The following ZNF423 variants were observed in gnomAD, a reference collection of about 807,000 sequenced individuals.
ZNF423 encodes the protein zinc finger protein 423, also known as Ebf-associated zinc finger protein.
A neutral mutation model predicts 95.8 loss-of-function variants in ZNF423; 12 were observed. The observed-to-expected ratio is 0.13, with a 90% confidence interval of 0.08 to 0.20. The LOEUF is 0.20. ZNF423 is among the 10% of genes least tolerant of loss of function. The pLI is 1.00. For synonymous variants in ZNF423, 749 were observed against 711.9 expected, an observed-to-expected ratio of 1.05 and a Z score of -0.83; for missense variants, 1,316 against 1,737.1, an observed-to-expected ratio of 0.76 and a Z score of 4.31.
chr16:49,504,671 G>C (rs1298253408), intron 7 of ZNF423, among the ~76,000 whole-genome samples: 1 of 152,194 alleles, frequency 6.6e-6, no homozygotes, highest in Non-Finnish European at 1.5e-5. Flanking sequence ...CGACATTCCT[G>C]GCTGGAAGGT....
intron 7 of ZNF423, among the ~76,000 whole-genome samples, chr16:49,497,318 C>G (rs1022553877): frequency 1.3e-5 from 2 of 152,198 alleles, no homozygotes; most frequent in Non-Finnish European, 2.9e-5. Context: ...GCACTGGGCA[C>G]AGACAGGTTG....
chr16:49,788,134 G>A (rs1348686767), intron 2 of ZNF423, among the ~76,000 whole-genome samples: 1 of 152,154 alleles, frequency 6.6e-6, no homozygotes, highest in Non-Finnish European at 1.5e-5. Context: ...TTACCACGTT[G>A]GCTTCAGACA....
upstream of ZNF423, chr16:49,857,836 G>GGC (rs1007548479): frequency 6.6e-6 from 1 of 152,266 alleles, no homozygotes; most frequent in African/African-American, 2.4e-5. The surrounding 1 kb of genome is among the most constrained non-coding windows in gnomAD (Gnocchi z 6.2). Context: ...GCCGCCAGGG[G>GGC]GCGCCGCGCG....
intron 3 of ZNF423, among the ~76,000 whole-genome samples, chr16:49,664,646 C>A (rs1424484326): frequency 5.1e-5 from 6 of 116,550 alleles, no homozygotes; most frequent in Non-Finnish European, 5.3e-5. Flanking sequence ...GGTGGGGGGA[C>A]GGCCCCTGGG....
intron 3 of ZNF423, among the ~76,000 whole-genome samples, chr16:49,679,880 G>A (rs1300525667): frequency 1.3e-5 from 2 of 152,194 alleles, no homozygotes; most frequent in Non-Finnish European, 2.9e-5. Flanking sequence ...CAATCAGTAC[G>A]CACTTCCTCC....
At chr16:49,831,981 CAA>C (rs796358974) in intron 1 of ZNF423, among the ~76,000 whole-genome samples, 29 of 122,502 alleles carry the variant, frequency 2.4e-4, no homozygotes, top group Admixed American at 4.2e-4. Context: ...AAGACTATCT[CAA>C]AAAAAAAAAA....
intron 2 of ZNF423, among the ~76,000 whole-genome samples, chr16:49,740,558 T>C (rs2033394063): frequency 6.6e-6 from 1 of 152,256 alleles, no homozygotes. Flanking sequence ...AGCAGAGCTC[T>C]AGGCAAATAT....
chr16:49,763,403 C>T (rs79078402), intron 2 of ZNF423, among the ~76,000 whole-genome samples: 11,347 of 152,048 alleles, frequency 0.075, 476 homozygotes, highest in South Asian at 0.14. Flanking sequence ...CTCAGCCTCC[C>T]GACTGGGACT....
intron 2 of ZNF423, among the ~76,000 whole-genome samples, chr16:49,772,708 G>C (rs2034056351): frequency 6.6e-6 from 1 of 152,254 alleles, no homozygotes; most frequent in Non-Finnish European, 1.5e-5. Context: ...CATCAAGCAT[G>C]TGGGATGAAA....
Position 49,638,804 on chromosome 16 carries a change from C to G in ZNF423, c.372G>C (p.Thr124=). The change falls in exon 4 of 8, where the codon ACG becomes ACC. Residue 124 remains threonine (T), a synonymous_variant. Coordinates refer to ENST00000563137, the MANE Select transcript of ZNF423 (RefSeq NM_001379286.1). The surrounding 1 kb of genome is among the most constrained non-coding windows in gnomAD (Gnocchi z 5.6). ...SPSSKDVASP[T]QMIGDGCDLG... ...GGTCACAACCATCTCCGATCATCTG[C>G]GTGGGTGACGCAACATCCTTGCTGG... 6.2e-7 allele frequency: 1 copy of G among 1,614,038 alleles called. No homozygotes were observed. Among genetic ancestry groups the G allele is most frequent in the South Asian group, 1.1e-5 (1 of 91,064 alleles).
intron 3 of ZNF423, among the ~76,000 whole-genome samples, chr16:49,706,731 T>C (rs1293584972): frequency 1.3e-5 from 2 of 152,218 alleles, no homozygotes; most frequent in African/African-American, 4.8e-5. Flanking sequence ...GATCTAAACA[T>C]CACCCGAAGG....
At chr16:49,760,336 A>T (rs1475087704) in intron 2 of ZNF423, among the ~76,000 whole-genome samples, 1 of 150,668 alleles carries the variant, frequency 6.6e-6, no homozygotes. Flanking sequence ...GGGTGGGTAG[A>T]TGTATGGATT....
At chr16:49,681,631 G>C (rs924804326) in intron 3 of ZNF423, among the ~76,000 whole-genome samples, 7 of 152,226 alleles carry the variant, frequency 4.6e-5, no homozygotes, top group Non-Finnish European at 7.3e-5. Flanking sequence ...TGGCTCCCAG[G>C]CCTGGCCTGC....
chr16:49,635,646 T>C lies in ZNF423; in HGVS notation c.3516+14A>G, dbSNP rs201606291. ...GAGAGGAGCAGGGAGCAGGATGAGGTGGACTGCACTTACCCGGGGCACTGG... is the reference window on the plus strand; with the variant it reads ...GAGAGGAGCAGGGAGCAGGATGAGGCGGACTGCACTTACCCGGGGCACTGG... On this transcript the variant is annotated intron_variant, in intron 4 of 7. Coordinates refer to ENST00000563137, the MANE Select transcript of ZNF423 (RefSeq NM_001379286.1). This position sits in a 1 kb window ranked among gnomAD's most constrained non-coding sequence, Gnocchi z 4.8. 852 of 1,536,918 alleles carry C rather than the reference T, an allele frequency of 5.5e-4. 1 individual carries two copies. The highest frequency in any genetic ancestry group is 9.1e-4 in the Admixed American group (43 of 47,482).
chr16:49,789,393 A>C (rs531247015), intron 2 of ZNF423, 94 bp downstream of exon 2: 2 of 1,265,854 alleles, frequency 1.6e-6, no homozygotes, highest in Non-Finnish European at 1.1e-6. Context: ...GACACGAAGA[A>C]TATCATTTCC....
chr16:49,723,303 A>G (rs1412884777), intron 3 of ZNF423, among the ~76,000 whole-genome samples: 1 of 152,064 alleles, frequency 6.6e-6, no homozygotes, highest in African/African-American at 2.4e-5. Context: ...CACATGGGAG[A>G]TATTCAAAAC....
chr16:49,787,336 AC>A (rs2034331491), intron 2 of ZNF423, among the ~76,000 whole-genome samples: 1 of 152,144 alleles, frequency 6.6e-6, no homozygotes, highest in African/African-American at 2.4e-5. Context: ...GCCAAAGAAA[AC>A]AAAACAATTC....
At chr16:49,570,916 C>A (rs1047478975) in intron 5 of ZNF423, among the ~76,000 whole-genome samples, 1 of 152,222 alleles carries the variant, frequency 6.6e-6, no homozygotes, top group Admixed American at 6.5e-5. Context: ...TCCTCCAGGT[C>A]CTGCCCGTGT....
intron 3 of ZNF423, among the ~76,000 whole-genome samples, chr16:49,680,394 C>A (rs899318115): frequency 1.3e-5 from 2 of 152,224 alleles, no homozygotes; most frequent in Non-Finnish European, 2.9e-5. Context: ...GAACTTGGTA[C>A]GTGCTGAATG....
Sources: allele counts gnomAD v4.1 joint callset (sites outside exome capture counted in the v4.1 genomes callset), GRCh38; gene constraint gnomAD v4.1.1; non-coding constraint Gnocchi (gnomAD v3.1); transcripts MANE v1.5; gene names NCBI Gene and HGNC (gene_info 2026-07-23, HGNC 2026-07-21).